Variants in NRG3 observed in about 807,000 individuals in gnomAD.
NRG3 encodes pro-neuregulin-3, membrane-bound isoform.
In NRG3, 31 loss-of-function variants were observed where a neutral mutation model predicts 66.9. That is an observed-to-expected ratio of 0.46 (90% CI 0.35 to 0.63). The LOEUF is 0.63. NRG3 is among the 20% of genes least tolerant of loss of function. The pLI is 0.00. For missense variants in NRG3, 910 were observed against 878.9 expected (o/e 1.04, Z -0.45); for synonymous variants, 393 against 359.4 (o/e 1.09, Z -1.06).
rs111939800 is a variant in NRG3, at chr10:82,418,557, C to G, written c.953+59689C>G. On this transcript the variant is annotated intron_variant, in intron 2 of 8. Coordinates refer to ENST00000372141, the MANE Select transcript of NRG3 (RefSeq NM_001010848.4). ...ATGTCCTTGGTGGAAGAAGTTATGA[C>G]ATTATGTTATTTGTTGGGGAAAAAC... is the stretch of plus-strand genomic sequence containing the variant. 5.6e-3 allele frequency among the ~76,000 whole-genome samples: 852 copies of G among 151,286 alleles called. 8 individuals carry two copies. The highest frequency in any genetic ancestry group is 0.016 in the African/African-American group (668 of 41,456).
intron 4 of NRG3, among the ~76,000 whole-genome samples, chr10:82,879,374 G>C (rs1842097309): frequency 1.3e-5 from 2 of 151,294 alleles, no homozygotes; most frequent in Non-Finnish European, 2.9e-5. Context: ...ATGCAATTTA[G>C]TTCTAGATTA....
At chr10:82,473,557 C>T (rs1841474160) in intron 2 of NRG3, among the ~76,000 whole-genome samples, 1 of 152,092 alleles carries the variant, frequency 6.6e-6, no homozygotes, top group Admixed American at 6.5e-5. Context: ...TATACAGCAA[C>T]CAAATAAACA....
intron 3 of NRG3, among the ~76,000 whole-genome samples, chr10:82,758,361 C>A (rs1347120590): frequency 6.6e-6 from 1 of 151,792 alleles, no homozygotes; most frequent in African/African-American, 2.4e-5. Flanking sequence ...TTATAAATGA[C>A]CAGATCAGCA....
intron 3 of NRG3, among the ~76,000 whole-genome samples, chr10:82,741,762 A>C (rs538012): frequency 0.74 from 113,140 of 151,922 alleles, 42,549 homozygotes; most frequent in Non-Finnish European, 0.79. Context: ...CTCCCAACTG[A>C]AGGGCGCTTT....
intron 1 of NRG3, among the ~76,000 whole-genome samples, chr10:81,948,925 C>G (rs1849087498): frequency 6.6e-6 from 1 of 152,144 alleles, no homozygotes; most frequent in African/African-American, 2.4e-5. Flanking sequence ...TTAAAATCAG[C>G]CAAGGGTAAA....
At chr10:82,184,158 A>AT (rs992860133) in intron 1 of NRG3, among the ~76,000 whole-genome samples, 2 of 152,122 alleles carry the variant, frequency 1.3e-5, no homozygotes, top group Non-Finnish European at 2.9e-5. Flanking sequence ...TGTCAAAACT[A>AT]TTTTTATAAT....
intron 3 of NRG3, among the ~76,000 whole-genome samples, chr10:82,775,271 T>C (rs2059869947): frequency 6.6e-6 from 1 of 152,020 alleles, no homozygotes; most frequent in Non-Finnish European, 1.5e-5. Context: ...TAGAACTGCT[T>C]TTGCTATATC....
At chr10:82,515,837 C>A (rs1392576160) in intron 2 of NRG3, among the ~76,000 whole-genome samples, 1 of 152,140 alleles carries the variant, frequency 6.6e-6, no homozygotes, top group Non-Finnish European at 1.5e-5. Context: ...CAACTGTGCA[C>A]CTTCTGCAGA....
chr10:82,295,803 A>G (rs2080028017), intron 1 of NRG3, among the ~76,000 whole-genome samples: 1 of 152,098 alleles, frequency 6.6e-6, no homozygotes, highest in African/African-American at 2.4e-5. Flanking sequence ...GTACCTTGGT[A>G]TTCATTTTCT....
chr10:82,221,401 G>A (rs2075937754), intron 1 of NRG3, among the ~76,000 whole-genome samples: 1 of 152,100 alleles, frequency 6.6e-6, no homozygotes, highest in South Asian at 2.1e-4. Context: ...TTAATGAACA[G>A]CCTTCCAGCC....
At chr10:82,460,103 C>T (rs1034896802) in intron 2 of NRG3, among the ~76,000 whole-genome samples, 4 of 152,248 alleles carry the variant, frequency 2.6e-5, no homozygotes, top group Non-Finnish European at 5.9e-5. Flanking sequence ...TTTACAAGCC[C>T]GTTCCATTAC....
At chr10:82,066,248 GT>G (rs137872002) in intron 1 of NRG3, among the ~76,000 whole-genome samples, 5,565 of 152,104 alleles carry the variant, frequency 0.037, 351 homozygotes, top group African/African-American at 0.13. Context: ...ACAAGAATGT[GT>G]TTATGATTTA....
At chr10:82,953,826 T>C (rs905235572) in intron 5 of NRG3, among the ~76,000 whole-genome samples, 3 of 151,564 alleles carry the variant, frequency 2.0e-5, no homozygotes, top group Admixed American at 1.3e-4. Context: ...GGCATGGTGG[T>C]GAGCACCTGT....
intron 2 of NRG3, among the ~76,000 whole-genome samples, chr10:82,493,059 G>C (rs1458129942): frequency 6.6e-6 from 1 of 152,094 alleles, no homozygotes; most frequent in Non-Finnish European, 1.5e-5. Flanking sequence ...AACAAGCGCA[G>C]TCCAGGTGCC....
chr10:82,029,311 T>C (rs1459246623), intron 1 of NRG3, among the ~76,000 whole-genome samples: 1 of 152,170 alleles, frequency 6.6e-6, no homozygotes, highest in African/African-American at 2.4e-5. Flanking sequence ...GAAGTATTCC[T>C]TCCTTTGTAA....
At chr10:82,821,311 A>AAAT (rs1188367679) in intron 3 of NRG3, among the ~76,000 whole-genome samples, 8 of 152,148 alleles carry the variant, frequency 5.3e-5, no homozygotes, top group Non-Finnish European at 4.4e-5. Context: ...TGCATAACAG[A>AAAT]AATAGCCTCT....
chr10:82,150,405 T>TC (rs1564612357), intron 1 of NRG3, among the ~76,000 whole-genome samples: 2 of 151,032 alleles, frequency 1.3e-5, no homozygotes, highest in African/African-American at 2.4e-5. Context: ...CTGAAGAGCA[T>TC]CCCCCCGCCA....
intron 6 of NRG3, among the ~76,000 whole-genome samples, chr10:82,972,068 G>A (rs1277183294): frequency 6.6e-6 from 1 of 151,934 alleles, no homozygotes; most frequent in Non-Finnish European, 1.5e-5. Flanking sequence ...TATCATCACT[G>A]ATAGTTTCAC....
intron 1 of NRG3, among the ~76,000 whole-genome samples, chr10:82,058,463 G>A (rs1017075454): frequency 3.3e-5 from 5 of 151,318 alleles, no homozygotes; most frequent in South Asian, 2.1e-4. Flanking sequence ...TCAACGACCC[G>A]TTTCATCTGT....
Sources: allele counts gnomAD v4.1 joint callset (sites outside exome capture counted in the v4.1 genomes callset), GRCh38; gene constraint gnomAD v4.1.1; transcripts MANE v1.5; gene names NCBI Gene and HGNC (gene_info 2026-07-23, HGNC 2026-07-21).